OSBPL10: variants seen among roughly 807,000 people sequenced by gnomAD.
The protein encoded by OSBPL10 is oxysterol-binding protein-related protein 10.
Under a neutral mutation model 81.7 loss-of-function variants are expected in OSBPL10, and 49 were observed. That is an observed-to-expected ratio of 0.60 (90% CI 0.48 to 0.76). OSBPL10 has a LOEUF of 0.76. Among genes scored for constraint, OSBPL10 ranks in the 30% least tolerant of loss-of-function variants. The pLI, the probability that OSBPL10 is intolerant of heterozygous loss-of-function variation, is 0.00. For missense variants in OSBPL10, 923 were observed against 987.8 expected (o/e 0.93, Z 0.88); for synonymous variants, 419 against 383.6 (o/e 1.09, Z -1.08).
At chr3:31,937,126 G>A (rs1288702721) in intron 1 of OSBPL10, among the ~76,000 whole-genome samples, 1 of 151,772 alleles carries the variant, frequency 6.6e-6, no homozygotes, top group Non-Finnish European at 1.5e-5. Context: ...CTACTAAAAA[G>A]TACAAAAATT....
chr3:31,693,377 A>G (rs931875265), intron 7 of OSBPL10, among the ~76,000 whole-genome samples: 1 of 152,258 alleles, frequency 6.6e-6, no homozygotes, highest in African/African-American at 2.4e-5. Flanking sequence ...GAAGATGTTC[A>G]CTATATCATC....
chr3:31,965,997 A>AATATATATTATATAAAATATAAT (rs1698390270), intron 1 of OSBPL10, among the ~76,000 whole-genome samples: 1 of 126,244 alleles, frequency 7.9e-6, no homozygotes, highest in Non-Finnish European at 1.6e-5. Flanking sequence ...TATAAAATAT[A>AATATATATTATATAAAATATAAT]ATATATATAT....
intron 1 of OSBPL10, among the ~76,000 whole-genome samples, chr3:31,932,653 C>T (rs1194693867): frequency 1.3e-5 from 2 of 152,064 alleles, no homozygotes; most frequent in East Asian, 3.9e-4. Context: ...CTCCCCATGT[C>T]ACAAAGAGGC....
chr3:31,743,770 A>C (rs926488925), intron 5 of OSBPL10, among the ~76,000 whole-genome samples: 1 of 152,202 alleles, frequency 6.6e-6, no homozygotes, highest in African/African-American at 2.4e-5. Flanking sequence ...TGCCCATCGA[A>C]CACTGAAATG....
At chr3:31,974,739 G>GA (rs1356439892) in intron 1 of OSBPL10, among the ~76,000 whole-genome samples, 13 of 152,326 alleles carry the variant, frequency 8.5e-5, no homozygotes, top group African/African-American at 2.6e-4. Flanking sequence ...ATACTATGAG[G>GA]AAAGGGGCTG....
chr3:32,031,082 T>C (rs1191618648), intron 2 of OSBPL10, among the ~76,000 whole-genome samples: 1 of 151,932 alleles, frequency 6.6e-6, no homozygotes, highest in Non-Finnish European at 1.5e-5. Context: ...GCAGAATTGC[T>C]TGAACCTGGG....
At chr3:31,701,379 G>A (rs1225490671) in intron 7 of OSBPL10, among the ~76,000 whole-genome samples, 1 of 152,158 alleles carries the variant, frequency 6.6e-6, no homozygotes, top group Non-Finnish European at 1.5e-5. Context: ...CCTCCCCGCA[G>A]ATCATGTCTG....
chr3:32,060,094 A>ATG (rs1339762965), intron 1 of OSBPL10, among the ~76,000 whole-genome samples: 1 of 152,068 alleles, frequency 6.6e-6, no homozygotes, highest in African/African-American at 2.4e-5. Flanking sequence ...ATATATATAT[A>ATG]TATACTTACG....
At chr3:31,856,369 G>C (rs113019493) in intron 3 of OSBPL10, among the ~76,000 whole-genome samples, 3,115 of 152,210 alleles carry the variant, frequency 0.02, 109 homozygotes, top group African/African-American at 0.071. Context: ...TTAGTTTTAA[G>C]TACCCAAAAA....
At chr3:31,696,111 T>C (rs1299603514) in intron 7 of OSBPL10, among the ~76,000 whole-genome samples, 1 of 152,180 alleles carries the variant, frequency 6.6e-6, no homozygotes, top group Non-Finnish European at 1.5e-5. Context: ...TGGTTAACCA[T>C]GAGGGTCTCC....
rs776923460 is a variant in OSBPL10, at chr3:31,777,678, CA to C, written c.730-29559del. 2.9e-4 allele frequency among the ~76,000 whole-genome samples: 44 copies of C among 152,294 alleles called. 1 individual carries two copies. Among genetic ancestry groups the C allele is most frequent in the Non-Finnish European group, 5.3e-4 (36 of 68,020 alleles). ...GCAGGCCACTGCAAATTCCACAAGA[CA>C]AGCTAAAAACTGAGTTCCCAAAGTG... On this transcript the variant is annotated intron_variant, in intron 4 of 11. Transcript: ENST00000396556.
chr3:31,961,826 C>T (rs367834023), intron 1 of OSBPL10, among the ~76,000 whole-genome samples: 1 of 151,426 alleles, frequency 6.6e-6, no homozygotes, highest in South Asian at 2.1e-4. Flanking sequence ...TGTTATATTT[C>T]TAAAGGTTCC....
At chr3:31,799,930 G>A (rs1181147437) in intron 4 of OSBPL10, among the ~76,000 whole-genome samples, 3 of 152,118 alleles carry the variant, frequency 2.0e-5, no homozygotes, top group South Asian at 2.1e-4. Context: ...GGCTGGTCTC[G>A]AACTCCTGAC....
chr3:31,749,585 C>T (rs553968451), intron 4 of OSBPL10, among the ~76,000 whole-genome samples: 1 of 152,212 alleles, frequency 6.6e-6, no homozygotes, highest in Admixed American at 6.5e-5. Context: ...CTTAGGGAGG[C>T]GGGTGAAACA....
intron 4 of OSBPL10, among the ~76,000 whole-genome samples, chr3:31,811,327 C>T (rs542952040): frequency 6.6e-6 from 1 of 152,322 alleles, no homozygotes; most frequent in South Asian, 2.1e-4. Flanking sequence ...AAGCCTCCAC[C>T]CGGAGAGGCC....
At chr3:31,990,073 C>T in intron 2 of OSBPL10, 2 of 1,613,968 alleles carry the variant, frequency 1.2e-6, no homozygotes, top group Non-Finnish European at 1.7e-6. Flanking sequence ...TCTTGAAAGA[C>T]ATAGGAGAAT....
At chr3:31,805,933 T>A (rs4511936) in intron 4 of OSBPL10, among the ~76,000 whole-genome samples, 117,258 of 152,104 alleles carry the variant, frequency 0.77, 45,176 homozygotes, top group African/African-American at 0.8. Context: ...AGCTCTACAC[T>A]TGTCTTTCTC....
intron 4 of OSBPL10, among the ~76,000 whole-genome samples, chr3:31,785,978 G>A (rs763017279): frequency 1.2e-4 from 19 of 152,178 alleles, no homozygotes; most frequent in Non-Finnish European, 2.4e-4. Context: ...GGCAACTTGC[G>A]TAGAAGTTGG....
intron 4 of OSBPL10, among the ~76,000 whole-genome samples, chr3:31,799,425 A>G (rs569524777): frequency 1.9e-3 from 289 of 151,650 alleles, no homozygotes; most frequent in Non-Finnish European, 3.3e-3. Context: ...AGAAAGAACA[A>G]GAATATCAGC....
Sources: gnomAD v4.1 joint callset for allele counts (sites outside exome capture counted in the v4.1 genomes callset) on GRCh38, gnomAD v4.1.1 for gene constraint, MANE v1.5 for transcripts, NCBI Gene and HGNC (gene_info 2026-07-23, HGNC 2026-07-21) for gene names.